The following IRAG1 variants were observed in gnomAD, a reference collection of about 807,000 sequenced individuals.
The protein encoded by IRAG1 is IP3R-associated cGMP kinase substrate.
In IRAG1, 62 loss-of-function variants were observed where a neutral mutation model predicts 106.2. The observed-to-expected ratio is 0.58, with a 90% CI of 0.48 to 0.72. IRAG1 has a LOEUF of 0.72. Among genes scored for constraint, IRAG1 ranks in the 30% least tolerant of loss-of-function variants. IRAG1 has a pLI of 0.00. For synonymous variants in IRAG1, 462 were observed against 443.9 expected, an observed-to-expected ratio of 1.04 and a Z score of -0.51; for missense variants, 1,064 against 1,140.7, an observed-to-expected ratio of 0.93 and a Z score of 0.97.
At chr11:10,679,179 G>A (rs1358531082) in intron 1 of IRAG1, among the ~76,000 whole-genome samples, 1 of 152,138 alleles carries the variant, frequency 6.6e-6, no homozygotes, top group Non-Finnish European at 1.5e-5. Context: ...AGCAAAACAG[G>A]CAATGATAAC....
intron 11 of IRAG1, among the ~76,000 whole-genome samples, chr11:10,608,007 A>G (rs1241088869): frequency 6.6e-6 from 1 of 152,242 alleles, no homozygotes; most frequent in African/African-American, 2.4e-5. Flanking sequence ...GTTTGTTGGG[A>G]TATTATGTGA....
At chr11:10,597,060 G>GATGTGAC (rs1188671258) in intron 15 of IRAG1, among the ~76,000 whole-genome samples, 1 of 152,194 alleles carries the variant, frequency 6.6e-6, no homozygotes, top group African/African-American at 2.4e-5. Flanking sequence ...CCTAGGTTCA[G>GATGTGAC]ATGTGACATG....
intron 2 of IRAG1, among the ~76,000 whole-genome samples, chr11:10,639,352 T>C (rs1857354993): frequency 2.0e-5 from 3 of 152,292 alleles, no homozygotes; most frequent in African/African-American, 7.2e-5. Flanking sequence ...CAAACATAAA[T>C]ATCCCTAGCA....
chr11:10,598,670 C>A (rs1311388036), intron 15 of IRAG1, among the ~76,000 whole-genome samples: 1 of 152,008 alleles, frequency 6.6e-6, no homozygotes, highest in East Asian at 1.9e-4. Flanking sequence ...GTATTGTAAC[C>A]CATTCAGTGA....
chr11:10,591,425 T>C, intron 18 of IRAG1, 123 bp downstream of exon 18: 1 of 911,042 alleles, frequency 1.1e-6, no homozygotes, highest in East Asian at 2.7e-5. Flanking sequence ...CTCCCATTCA[T>C]TTCCCTTAAA....
At chr11:10,615,632 G>C (rs1855335031) in intron 10 of IRAG1, among the ~76,000 whole-genome samples, 1 of 152,066 alleles carries the variant, frequency 6.6e-6, no homozygotes, top group Non-Finnish European at 1.5e-5. Flanking sequence ...GTCCTTTGTA[G>C]GGACATGGAT....
intron 2 of IRAG1, among the ~76,000 whole-genome samples, chr11:10,643,793 G>A (rs1414396510): frequency 1.3e-5 from 2 of 152,060 alleles, no homozygotes; most frequent in African/African-American, 4.8e-5. Flanking sequence ...GCTTATGGGT[G>A]GAGATACACA....
At chr11:10,601,465 T>G (rs150562319) in intron 14 of IRAG1, among the ~76,000 whole-genome samples, 2 of 152,094 alleles carry the variant, frequency 1.3e-5, no homozygotes, top group South Asian at 2.1e-4. Context: ...AGGGCTTATA[T>G]GTAGATGAGG....
chr11:10,693,738 G>T lies in IRAG1; in HGVS notation c.-136C>A. ...TCCTCTGGGAGCCCCACTCCGGCCT[G>T]GCTCGGGGGATAATGGCAGGGAAAG... On this transcript the variant is annotated 5_prime_UTR_variant, in exon 1 of 21. Coordinates refer to ENST00000423302, the MANE Select transcript of IRAG1 (RefSeq NM_130385.4). 2 of 1,037,326 alleles carry T rather than the reference G, an allele frequency of 1.9e-6. No individual in the cohort carries two copies. The highest frequency in any genetic ancestry group is 2.8e-6 in the Non-Finnish European group (2 of 723,226). The allele number at this position is 1,037,326 out of a possible 1,614,324, so 64.3% of individuals were successfully genotyped here.
At position 10,657,490 on chromosome 11, in the gene IRAG1, C is replaced by T. The variant is rs113518342; in HGVS notation, c.68-5308G>A. On this transcript the variant is annotated intron_variant, in intron 1 of 20. Coordinates refer to ENST00000423302, the MANE Select transcript of IRAG1 (RefSeq NM_130385.4). This position sits in a 1 kb window ranked among gnomAD's most constrained non-coding sequence, Gnocchi z 4.1. ...CCAGGAGCACAGCCCGTAAGCTAAG[C>T]GGCTCTCAGATTCTCTCTGTGAATC... is the stretch of plus-strand genomic sequence containing the variant. Among the ~76,000 whole-genome samples the T allele has an allele frequency of 0.011, 1,706 of 152,274 alleles. 35 individuals are homozygous for T. Among genetic ancestry groups the T allele is most frequent in the African/African-American group, 0.038 (1,594 of 41,558 alleles).
chr11:10,632,071 A>T lies in IRAG1; in HGVS notation c.330-10T>A, dbSNP rs1354033272. 3 of 1,608,408 alleles carry T rather than the reference A, an allele frequency of 1.9e-6. No homozygotes were observed. The highest frequency in any genetic ancestry group is 2.6e-6 in the Non-Finnish European group (3 of 1,174,826). Reference sequence around the variant, plus strand: ...GTGGGGACTGTGAACTCTGAAAGACAGAACAGTCATCTTGTTCAGAAAATC... The same window carrying T: ...GTGGGGACTGTGAACTCTGAAAGACTGAACAGTCATCTTGTTCAGAAAATC... On this transcript the variant is annotated splice_polypyrimidine_tract_variant and intron_variant, in intron 3 of 20. Coordinates refer to ENST00000423302, the MANE Select transcript of IRAG1 (RefSeq NM_130385.4).
rs1860504797 is a variant in IRAG1 at position 10,674,628 on chromosome 11, A to T, written c.67+18908T>A. ...TTTTGTTCCACCCTCCTTCCATCCCATCCAGACCTGGCGACCTGGCCCAAT... is the reference window on the plus strand; with the variant it reads ...TTTTGTTCCACCCTCCTTCCATCCCTTCCAGACCTGGCGACCTGGCCCAAT... On this transcript the variant is annotated intron_variant, in intron 1 of 20. Transcript: ENST00000423302. Among the ~76,000 whole-genome samples the T allele has an allele frequency of 2.6e-5, 4 of 152,238 alleles. No individual in the cohort carries two copies. The South Asian group carries it at 8.3e-4, about 32-fold the overall frequency.
chr11:10,628,004 G>C lies in IRAG1; in HGVS notation c.674C>G (p.Pro225Arg). The C allele has an allele frequency of 1.2e-6, 2 of 1,611,824 alleles. No individual in the cohort carries two copies. The highest frequency in any genetic ancestry group is 1.7e-6 in the Non-Finnish European group (2 of 1,178,468). Reference protein sequence around the residue: ...TPPGLDVCSGPPSPLPGAPPQ... With the variant: ...TPPGLDVCSGRPSPLPGAPPQ... ...TGGTGCTCCAGGCAGAGGGGATGGC[G>C]GGCCACTGCACACATCCAAACCTGG... The change falls in exon 7 of 21, where the codon CCG (proline) becomes CGG (arginine). Residue 225 changes from proline to arginine, a missense_variant. Physicochemically the swap from Pro to Arg is moderately radical, Grantham distance 103. Transcript: ENST00000423302. The surrounding 1 kb of genome is among the most constrained non-coding windows in gnomAD (Gnocchi z 4.1).
chr11:10,679,986 A>T (rs1200984694), intron 1 of IRAG1, among the ~76,000 whole-genome samples: 6 of 151,938 alleles, frequency 3.9e-5, no homozygotes, highest in Non-Finnish European at 8.8e-5. Flanking sequence ...TTAAAACTCC[A>T]CTCTGGGCCA....
chr11:10,627,702 A>C lies in IRAG1; in HGVS notation c.750+14T>G. ...ACACTCAAATCATCCAAAGGGAGCA[A>C]AGCTCAAACTCACAGGCTCGCCAGG... On this transcript the variant is annotated intron_variant, in intron 8 of 20. Coordinates refer to ENST00000423302, the MANE Select transcript of IRAG1 (RefSeq NM_130385.4). The C allele has an allele frequency of 6.2e-7, 1 of 1,613,952 alleles. No homozygotes were observed. Among genetic ancestry groups the C allele is most frequent in the Non-Finnish European group, 8.5e-7 (1 of 1,179,872 alleles).
intron 2 of IRAG1, among the ~76,000 whole-genome samples, chr11:10,649,330 G>A (rs537549924): frequency 2.0e-5 from 3 of 152,180 alleles, no homozygotes; most frequent in Non-Finnish European, 4.4e-5. Flanking sequence ...CCTTTGGTTG[G>A]GGGGGTCTGA....
chr11:10,652,604 A>G (rs1858612121), intron 1 of IRAG1, among the ~76,000 whole-genome samples: 2 of 152,176 alleles, frequency 1.3e-5, no homozygotes, highest in Non-Finnish European at 2.9e-5. Context: ...TGATGTAGGC[A>G]TTAATATTCC....
chr11:10,578,143 G>C (rs893701903), intron 20 of IRAG1, among the ~76,000 whole-genome samples: 1 of 152,114 alleles, frequency 6.6e-6, no homozygotes, highest in African/African-American at 2.4e-5. Flanking sequence ...ACCCATGCCT[G>C]GCCTATAAAA....
At chr11:10,634,867 T>C (rs7108708) in intron 2 of IRAG1, among the ~76,000 whole-genome samples, 69,882 of 151,646 alleles carry the variant, frequency 0.46, 17,133 homozygotes, top group African/African-American at 0.62. Context: ...ATTGTTTCCA[T>C]ACCTTGTCTA....
Sources: gnomAD v4.1 joint callset for allele counts (sites outside exome capture counted in the v4.1 genomes callset) on GRCh38, gnomAD v4.1.1 for gene constraint, Gnocchi (gnomAD v3.1) non-coding constraint, MANE v1.5 for transcripts, NCBI Gene and HGNC (gene_info 2026-07-23, HGNC 2026-07-21) for gene names.